The following GOLGA2 variants were observed in gnomAD, a reference collection of about 807,000 sequenced individuals.
The protein encoded by GOLGA2 is golgin subfamily A member 2.
In GOLGA2, 49 loss-of-function variants were observed where a neutral mutation model predicts 148.8. The observed-to-expected ratio is 0.33, with a 90% CI of 0.26 to 0.42. The LOEUF (loss-of-function observed/expected upper bound fraction) is 0.42. Among genes scored for constraint, GOLGA2 ranks in the 10% least tolerant of loss-of-function variants. The pLI, the probability that GOLGA2 is intolerant of heterozygous loss-of-function variation, is 1.00. For missense variants in GOLGA2, 1,178 were observed against 1,304.6 expected, an observed-to-expected ratio of 0.90 and a Z score of 1.49; for synonymous variants, 501 against 511.8, an observed-to-expected ratio of 0.98 and a Z score of 0.28.
chr9:128,261,238 TCTC>T lies in GOLGA2; in HGVS notation c.1351_1353del (p.Glu451del), dbSNP rs755440685. ...TGTACCCGACTCATGCTACATTCCT[TCTC>T]CTCTCTCAATGTGTGCACCTGCCCA... On this transcript the variant is annotated inframe_deletion, in exon 17 of 27. Coordinates refer to ENST00000611957, the MANE Select transcript of GOLGA2 (RefSeq NM_001366244.2). The surrounding 1 kb of genome is among the most constrained non-coding windows in gnomAD (Gnocchi z 5.7). The T allele has an allele frequency of 1.2e-6, 2 of 1,613,618 alleles. No individual in the cohort carries two copies. Among genetic ancestry groups the T allele is most frequent in the East Asian group, 4.5e-5 (2 of 44,886 alleles).
Position 128,259,015 on chromosome 9 carries a change from G to C in GOLGA2, c.2165C>G (p.Pro722Arg). The C allele has an allele frequency of 6.3e-7, 1 of 1,594,880 alleles. No homozygotes were observed. Among genetic ancestry groups the C allele is most frequent in the Non-Finnish European group, 8.6e-7 (1 of 1,166,388 alleles). The change falls in exon 21 of 27, where the codon CCT becomes CGT. Residue 722 changes from proline to arginine, a missense_variant. Physicochemically the swap from Pro to Arg is moderately radical, Grantham distance 103. Coordinates refer to ENST00000611957, the MANE Select transcript of GOLGA2 (RefSeq NM_001366244.2). ...LRAQLSLMAH[P>R]GEGDGLDREE... ...TGAGCAGGTTCCCGTACCTTCCCCA[G>C]GGTGAGCCATGAGGCTCAACTGGGC...
At chr9:128,275,197 C>G (rs1225370687) in intron 1 of GOLGA2, among the ~76,000 whole-genome samples, 1 of 152,232 alleles carries the variant, frequency 6.6e-6, no homozygotes, top group African/African-American at 2.4e-5. Context: ...ACCTCTCCCT[C>G]CTAGGTCCCA....
At chr9:128,264,410 A>AT (rs1830471453) in intron 12 of GOLGA2, among the ~76,000 whole-genome samples, 1 of 146,206 alleles carries the variant, frequency 6.8e-6, no homozygotes, top group African/African-American at 2.5e-5. Flanking sequence ...AATTTTTGTT[A>AT]TTATTTATTT....
Position 128,265,842 on chromosome 9 carries a change from C to T in GOLGA2, c.772G>A (p.Ala258Thr). 2 of 1,613,970 alleles carry T rather than the reference C, an allele frequency of 1.2e-6. No homozygotes were observed. Among genetic ancestry groups the T allele is most frequent in the Non-Finnish European group, 1.7e-6 (2 of 1,179,826 alleles). Residue 258 changes from alanine to threonine, a missense_variant, in exon 11 of 27, where the codon GCT (alanine) becomes ACT (threonine). By Grantham distance (58) the Ala-to-Thr change is moderately conservative. Transcript: ENST00000611957. ...TGAGCCAGGGCTGTCTGTAACTCAG[C>T]TTTCTCTGATACGAGGATCCCTATG... The part of the protein sequence containing the change: ...QTIGILVSEK[A>T]ELQTALAHTQ...
rs995793872 is a variant in GOLGA2 at position 128,271,829 on chromosome 9, T to G, written c.288+956A>C. Among the ~76,000 whole-genome samples, 2 of 152,206 alleles carry G rather than the reference T, an allele frequency of 1.3e-5. No homozygotes were observed. Among genetic ancestry groups the G allele is most frequent in the Non-Finnish European group, 2.9e-5 (2 of 68,036 alleles). Reference sequence around the variant, plus strand: ...TTTATCCACTGTTTATTTATCAAAGTGCCTTTGTTGTCAAGAGCCCAATGA... The same window carrying G: ...TTTATCCACTGTTTATTTATCAAAGGGCCTTTGTTGTCAAGAGCCCAATGA... On this transcript the variant is annotated intron_variant, in intron 3 of 26. Transcript: ENST00000611957. The surrounding 1 kb of genome is among the most constrained non-coding windows in gnomAD (Gnocchi z 4.4).
chr9:128,274,999 G>A (rs1831219113), intron 1 of GOLGA2, among the ~76,000 whole-genome samples: 7 of 152,012 alleles, frequency 4.6e-5, no homozygotes, highest in Admixed American at 4.6e-4. Flanking sequence ...TGGAGAATTC[G>A]AATATGAGGT....
chr9:128,260,633 C>G lies in GOLGA2; in HGVS notation c.1590G>C (p.Arg530Ser). 1 of 1,611,966 alleles carries G rather than the reference C, an allele frequency of 6.2e-7. No individual in the cohort carries two copies. Among genetic ancestry groups the G allele is most frequent in the Non-Finnish European group, 8.5e-7 (1 of 1,179,998 alleles). The change falls in exon 18 of 27, where the codon AGG becomes AGC. Residue 530 changes from arginine to serine, a missense_variant. This residue lies in a region of GOLGA2 where 529 missense variants were observed against 521.8 expected (regional missense o/e 1.01). Coordinates refer to ENST00000611957, the MANE Select transcript of GOLGA2 (RefSeq NM_001366244.2). The surrounding 1 kb of genome is among the most constrained non-coding windows in gnomAD (Gnocchi z 4.8). ...CGGCCGCCCGCTCCAGCTCCAGCAG[C>G]CTCTCCTCCTGCTCCCGGTTCAGGC... ...LSRLNREQEE[R>S]LLELERAAEL...
At chr9:128,263,697 C>T (rs1409874082) in intron 12 of GOLGA2, among the ~76,000 whole-genome samples, 8 of 151,842 alleles carry the variant, frequency 5.3e-5, no homozygotes, top group African/African-American at 9.7e-5. Context: ...GGATTACAGG[C>T]GTGAGCCACC....
Position 128,261,231 on chromosome 9 carries a change from C to T in GOLGA2, c.1361G>A (p.Cys454Tyr). 1 of 1,613,960 alleles carries T rather than the reference C, an allele frequency of 6.2e-7. No homozygotes were observed. Among genetic ancestry groups the T allele is most frequent in the Non-Finnish European group, 8.5e-7 (1 of 1,179,856 alleles). The part of the protein sequence containing the change: ...QVHTLREEKE[C>Y]SMSRVQELET... Reference sequence around the variant, plus strand: ...CAGCTCCTGTACCCGACTCATGCTACATTCCTTCTCCTCTCTCAATGTGTG... The same window carrying T: ...CAGCTCCTGTACCCGACTCATGCTATATTCCTTCTCCTCTCTCAATGTGTG... Residue 454 changes from cysteine (C) to tyrosine (Y), a missense_variant, in exon 17 of 27, where the codon TGT becomes TAT. By Grantham distance (194) the Cys-to-Tyr change is radical. Transcript: ENST00000611957. This position sits in a 1 kb window ranked among gnomAD's most constrained non-coding sequence, Gnocchi z 5.7.
chr9:128,272,867 T>C lies in GOLGA2; in HGVS notation c.208-2A>G. 6 of 1,263,104 alleles carry C rather than the reference T, an allele frequency of 4.8e-6. No individual in the cohort carries two copies. Among genetic ancestry groups the C allele is most frequent in the Non-Finnish European group, 6.2e-6 (6 of 967,060 alleles). 78.2% of individuals were successfully genotyped at this position (1,263,104 alleles called of 1,614,324 possible). On this transcript the variant is annotated splice_acceptor_variant, in intron 2 of 26. Transcript: ENST00000611957. LOFTEE classifies it high-confidence loss of function. ...CAGCACCTTCAGAATGTCCTGAATC[T>C]ACAGGAGGCGAAAAGGGAAAAACAA...
At position 128,271,464 on chromosome 9, in the gene GOLGA2, G is replaced by A. The variant is rs1015910218; in HGVS notation, c.288+1321C>T. Among the ~76,000 whole-genome samples the A allele has an allele frequency of 6.6e-6, 1 of 152,168 alleles. No homozygotes were observed. The highest frequency in any genetic ancestry group is 2.4e-5 in the African/African-American group (1 of 41,436). ...GGAGTCCCCCAGGTGAGTTAGAGAT[G>A]GAAGAAATGCCAAATCACAGCCAGA... On this transcript the variant is annotated intron_variant, in intron 3 of 26. Transcript: ENST00000611957. The surrounding 1 kb of genome is among the most constrained non-coding windows in gnomAD (Gnocchi z 4.4).
intron 7 of GOLGA2, 42 bp downstream of exon 7, chr9:128,267,416 C>G (rs748574397): frequency 1.9e-6 from 3 of 1,566,982 alleles, no homozygotes; most frequent in Non-Finnish European, 2.6e-6. Flanking sequence ...GGTTGGAGGG[C>G]TGGCCTGCAG....
Position 128,261,606 on chromosome 9 carries a change from TCACCTACTCCTGGC to T in GOLGA2, c.1224+48_1225-46del. The stretch of plus-strand genomic sequence containing the variant: ...AATGAGGAAGGACTGTCACTGGTTG[TCACCTACTCCTGGC>T]CACCTGGGGTCATCTTCCTTCTACA... On this transcript the variant is annotated intron_variant, in intron 15 of 26. Transcript: ENST00000611957. This position sits in a 1 kb window ranked among gnomAD's most constrained non-coding sequence, Gnocchi z 5.7. 2.0e-6 allele frequency: 3 copies of T among 1,518,108 alleles called. No individual in the cohort carries two copies. The highest frequency in any genetic ancestry group is 2.7e-6 in the Non-Finnish European group (3 of 1,092,316). The allele number at this position is 1,518,108 out of a possible 1,614,324, so 94.0% of individuals were successfully genotyped here.
Position 128,265,588 on chromosome 9 carries a change from G to A in GOLGA2, c.930C>T (p.Asp310=), listed in dbSNP as rs1830540101. 6 of 1,608,926 alleles carry A rather than the reference G, an allele frequency of 3.7e-6. No homozygotes were observed. The highest frequency in any genetic ancestry group is 5.1e-6 in the Non-Finnish European group (6 of 1,175,598). Residue 310 remains aspartate, a synonymous_variant, in exon 12 of 27, where the codon GAC becomes GAT. Coordinates refer to ENST00000611957, the MANE Select transcript of GOLGA2 (RefSeq NM_001366244.2). ...CGGGGCAGGCAGTTGGACTCACCCT[G>A]TCTGCCTTCTTCTGCTGCGTGGAGA... is the stretch of plus-strand genomic sequence containing the variant. The part of the protein sequence containing the change: ...SAVSTQQKKA[D]RYNKELTKER...
At chr9:128,274,944 A>T (rs535763476) in intron 1 of GOLGA2, among the ~76,000 whole-genome samples, 1 of 152,180 alleles carries the variant, frequency 6.6e-6, no homozygotes, top group Non-Finnish European at 1.5e-5. Flanking sequence ...AGATAAGCAG[A>T]TCTCATTCCA....
chr9:128,270,925 T>C (rs1830905007), intron 3 of GOLGA2, among the ~76,000 whole-genome samples: 1 of 152,034 alleles, frequency 6.6e-6, no homozygotes, highest in African/African-American at 2.4e-5. Context: ...GTGCAACATC[T>C]GTAATCCCAG....
chr9:128,268,035 C>T (rs1430141835), intron 5 of GOLGA2, 38 bp from the exon 6 acceptor site: 1 of 1,607,138 alleles, frequency 6.2e-7, no homozygotes, highest in Admixed American at 1.7e-5. Flanking sequence ...GTGCAGGTGG[C>T]TCAATGGGAA....
chr9:128,264,285 AG>A (rs1830462734), intron 12 of GOLGA2, among the ~76,000 whole-genome samples: 1 of 150,112 alleles, frequency 6.7e-6, no homozygotes, highest in Admixed American at 6.7e-5. Context: ...CCCAGGCTGG[AG>A]TGCAGTGGCG....
chr9:128,268,024 G>T, intron 5 of GOLGA2, 27 bp from the exon 6 acceptor site: 1 of 1,610,226 alleles, frequency 6.2e-7, no homozygotes, highest in Non-Finnish European at 8.5e-7. Context: ...AGGGGTCAGG[G>T]GTGCAGGTGG....
Sources: gnomAD v4.1 joint callset for allele counts (sites outside exome capture counted in the v4.1 genomes callset) on GRCh38, gnomAD v4.1.1 for gene constraint, gnomAD v4.1.1 regional missense constraint, Gnocchi (gnomAD v3.1) non-coding constraint, MANE v1.5 for transcripts, NCBI Gene and HGNC (gene_info 2026-07-23, HGNC 2026-07-21) for gene names.